The following FRMD3 variants were observed in gnomAD, a reference collection of about 807,000 sequenced individuals.
The protein encoded by FRMD3 is FERM domain-containing protein 3.
FRMD3 carries 33 observed loss-of-function variants against 70.2 expected under a neutral mutation model. The observed-to-expected ratio is 0.47, with a 90% confidence interval of 0.36 to 0.63. The LOEUF is 0.63. FRMD3 is among the 20% of genes least tolerant of loss of function. The pLI, the probability that FRMD3 is intolerant of heterozygous loss-of-function variation, is 0.00. For missense variants in FRMD3, 632 were observed against 711.4 expected (o/e 0.89, Z 1.27); for synonymous variants, 279 against 255.9 (o/e 1.09, Z -0.86).
chr9:83,380,843 G>T (rs1825331366), intron 2 of FRMD3, among the ~76,000 whole-genome samples: 1 of 149,772 alleles, frequency 6.7e-6, no homozygotes, highest in African/African-American at 2.5e-5. Context: ...AATAACCCAG[G>T]GGGCTTTTAA....
At chr9:83,363,487 G>C (rs1434611315) in intron 3 of FRMD3, among the ~76,000 whole-genome samples, 1 of 150,888 alleles carries the variant, frequency 6.6e-6, no homozygotes, top group African/African-American at 2.4e-5. Flanking sequence ...ATATATACCT[G>C]TGCGTGAATA....
At position 83,478,604 on chromosome 9, in the gene FRMD3, A is replaced by C. The variant is rs929169950; in HGVS notation, c.147+59481T>G. Among the ~76,000 whole-genome samples, 5 of 152,288 alleles carry C rather than the reference A, an allele frequency of 3.3e-5. No homozygotes were observed. In the East Asian group the frequency reaches 9.7e-4, roughly 29 times the overall value. On this transcript the variant is annotated intron_variant, in intron 1 of 13. Transcript: ENST00000304195. ...AAACAGTATGGCACTTCCTCAAAAA[A>C]TTAAACACAGAATTACCATAGGATC...
At chr9:83,466,347 C>A (rs576012533) in intron 1 of FRMD3, among the ~76,000 whole-genome samples, 5 of 152,300 alleles carry the variant, frequency 3.3e-5, no homozygotes, top group Admixed American at 2.6e-4. Flanking sequence ...CTTCTTCTGG[C>A]AACAAAGACT....
chr9:83,547,616 A>T, the FRMD3 span, among the ~76,000 whole-genome samples: 5 of 152,150 alleles, frequency 3.3e-5, no homozygotes, highest in Non-Finnish European at 7.4e-5. Context: ...CAATGACATC[A>T]CTAGACAGAT....
chr9:83,376,398 G>A (rs544222988), intron 2 of FRMD3, among the ~76,000 whole-genome samples: 1 of 152,044 alleles, frequency 6.6e-6, no homozygotes, highest in African/African-American at 2.4e-5. Context: ...TTTCTATGAG[G>A]GAGATCTTTA....
chr9:83,301,525 T>A (rs199556360), intron 10 of FRMD3, among the ~76,000 whole-genome samples: 6 of 141,808 alleles, frequency 4.2e-5, no homozygotes, highest in Non-Finnish European at 3.1e-5. Context: ...GTGGTTGGCT[T>A]AAAAAAAAAA....
chr9:83,386,850 T>C (rs948769855), intron 2 of FRMD3, among the ~76,000 whole-genome samples: 3 of 152,194 alleles, frequency 2.0e-5, no homozygotes, highest in African/African-American at 7.2e-5. Flanking sequence ...TCAGTTATTT[T>C]GGAGAATGTT....
chr9:83,294,853 A>C (rs758547468), intron 12 of FRMD3, among the ~76,000 whole-genome samples: 1 of 152,184 alleles, frequency 6.6e-6, no homozygotes, highest in Admixed American at 6.5e-5. Flanking sequence ...TTCTGGCTAC[A>C]TGAGGTCCCA....
chr9:83,450,729 A>G (rs1564083646), intron 1 of FRMD3, among the ~76,000 whole-genome samples: 1 of 152,202 alleles, frequency 6.6e-6, no homozygotes. Context: ...ATGGGCAACC[A>G]CAAAGGCTGG....
chr9:83,447,374 G>A (rs913575894), intron 1 of FRMD3, among the ~76,000 whole-genome samples: 2 of 152,186 alleles, frequency 1.3e-5, no homozygotes, highest in African/African-American at 2.4e-5. Context: ...AATGACAGCA[G>A]GGAAACTGCC....
intron 1 of FRMD3, among the ~76,000 whole-genome samples, chr9:83,486,191 T>C (rs951520188): frequency 6.6e-6 from 1 of 152,146 alleles, no homozygotes; most frequent in African/African-American, 2.4e-5. Flanking sequence ...AGGCACAATT[T>C]TGAAATTTGA....
intron 11 of FRMD3, 90 bp downstream of exon 11, chr9:83,299,022 C>T (rs1834792624): frequency 2.8e-6 from 3 of 1,062,710 alleles, no homozygotes; most frequent in Non-Finnish European, 4.4e-6. Context: ...GAGGCACAAG[C>T]CAAAGGCCAC....
intron 13 of FRMD3, among the ~76,000 whole-genome samples, chr9:83,274,696 G>A (rs1833738646): frequency 6.6e-6 from 1 of 152,184 alleles, no homozygotes; most frequent in South Asian, 2.1e-4. Context: ...AGGCCAGTGT[G>A]TGAGGAACCA....
chr9:83,498,390 G>T (rs1828989144), intron 1 of FRMD3, among the ~76,000 whole-genome samples: 1 of 152,156 alleles, frequency 6.6e-6, no homozygotes, highest in Admixed American at 6.6e-5. Context: ...CAAATTCCAT[G>T]ATAGAAGATA....
chr9:83,299,160 G>T lies in FRMD3; in HGVS notation c.953C>A (p.Thr318Asn). Residue 318 changes from threonine (T) to asparagine (N), a missense_variant, in exon 11 of 14, where the codon ACT becomes AAT. Around this residue, in one of 3 missense-constraint regions of FRMD3, gnomAD observed 418 missense variants for 442.1 expected, o/e 0.95. Coordinates refer to ENST00000304195, the MANE Select transcript of FRMD3 (RefSeq NM_174938.6). ...AAAAAATATCTTGCTGCTTGATACA[G>T]TCTTGATCTGACTGGATTTTGCATA... ...YKYAKSSQIK[T>N]VSSSKIFFKG... is the part of the protein sequence containing the mutation. 6.2e-7 allele frequency: 1 copy of T among 1,612,446 alleles called. No homozygotes were observed. The highest frequency in any genetic ancestry group is 8.5e-7 in the Non-Finnish European group (1 of 1,179,232).
intron 1 of FRMD3, among the ~76,000 whole-genome samples, chr9:83,454,019 T>C (rs1827746706): frequency 6.6e-6 from 1 of 152,196 alleles, no homozygotes; most frequent in Admixed American, 6.5e-5. Context: ...CCAGCTCTTT[T>C]AATGTCTTAA....
chr9:83,515,375 T>C (rs1451442897), intron 1 of FRMD3, among the ~76,000 whole-genome samples: 1 of 151,784 alleles, frequency 6.6e-6, no homozygotes, highest in African/African-American at 2.4e-5. Context: ...ATATTGGAGA[T>C]TGAAGATCAA....
At chr9:83,459,585 A>ACTC (rs1389759914) in intron 1 of FRMD3, among the ~76,000 whole-genome samples, 1 of 152,148 alleles carries the variant, frequency 6.6e-6, no homozygotes, top group African/African-American at 2.4e-5. Context: ...GAGAATGAAC[A>ACTC]CTCTCAGGGC....
intron 1 of FRMD3, among the ~76,000 whole-genome samples, chr9:83,502,231 C>T (rs142312006): frequency 2.2e-3 from 342 of 152,230 alleles, no homozygotes; most frequent in Non-Finnish European, 4.0e-3. Flanking sequence ...TGCTGTGTAC[C>T]GGGTAGTGTG....
Sources: gnomAD v4.1 joint callset for allele counts (sites outside exome capture counted in the v4.1 genomes callset) on GRCh38, gnomAD v4.1.1 for gene constraint, gnomAD v4.1.1 regional missense constraint, MANE v1.5 for transcripts, NCBI Gene and HGNC (gene_info 2026-07-23, HGNC 2026-07-21) for gene names.